Variants in DPP3 observed in about 807,000 individuals in gnomAD.
The protein encoded by DPP3 is dipeptidyl peptidase 3, also known as DPP III.
DPP3 carries 64 observed loss-of-function variants against 89.8 expected under a neutral mutation model. That is an observed-to-expected ratio of 0.71 (90% CI 0.58 to 0.88). DPP3 has a LOEUF of 0.88. Among genes scored for constraint, DPP3 ranks in the 40% least tolerant of loss-of-function variants. The pLI is 0.00. For missense variants in DPP3, 835 were observed against 972.5 expected, an observed-to-expected ratio of 0.86 and a Z score of 1.88; for synonymous variants, 377 against 404.3, an observed-to-expected ratio of 0.93 and a Z score of 0.81.
intron 17 of DPP3, among the ~76,000 whole-genome samples, chr11:66,506,249 G>T (rs1590749396): frequency 6.6e-6 from 1 of 150,632 alleles, no homozygotes; most frequent in African/African-American, 2.4e-5. Flanking sequence ...ACCATACCCG[G>T]CTATTTTATT....
At chr11:66,504,512 G>A (rs1216401706) in intron 16 of DPP3, 100 bp from the exon 17 acceptor site, 2 of 1,346,622 alleles carry the variant, frequency 1.5e-6, no homozygotes, top group East Asian at 2.6e-5. Context: ...CCATAGCACA[G>A]ACTGTCCAGG....
In DPP3 at chr11:66,493,587, G is replaced by A; in HGVS notation, c.1343G>A (p.Gly448Asp). 1 of 1,613,102 alleles carries A rather than the reference G, an allele frequency of 6.2e-7. No homozygotes were observed. ...GGGCCCTCCTTCGATGTGCAGGTGGGCCTGCACGAGCTGCTGGGCCATGGC... is the reference window on the plus strand; with the variant it reads ...GGGCCCTCCTTCGATGTGCAGGTGGACCTGCACGAGCTGCTGGGCCATGGC... ...WKGPSFDVQV[G>D]LHELLGHGSG... Residue 448 changes from glycine (G) to aspartate (D), a missense_variant, in exon 12 of 18, where the codon GGC becomes GAC. Gly to Asp is a moderately conservative substitution (Grantham distance 94). Transcript: ENST00000531863.
Position 66,509,438 on chromosome 11 carries a change from C to G in DPP3, c.*187C>G, listed in dbSNP as rs923150728. 2.0e-6 allele frequency: 3 copies of G among 1,525,648 alleles called. No individual in the cohort carries two copies. Among genetic ancestry groups the G allele is most frequent in the African/African-American group, 1.4e-5 (1 of 72,758 alleles). 94.5% of individuals were successfully genotyped at this position (1,525,648 alleles called of 1,614,324 possible). Reference sequence around the variant, plus strand: ...CTTTCCAGCCTGCCAATTGCTTCCCCTCTGTGATCTCATTTCATCTGCACT... The same window carrying G: ...CTTTCCAGCCTGCCAATTGCTTCCCGTCTGTGATCTCATTTCATCTGCACT... On this transcript the variant is annotated 3_prime_UTR_variant, in exon 18 of 18. Transcript: ENST00000531863.
At chr11:66,490,774 T>TG (rs1855359712) in intron 6 of DPP3, among the ~76,000 whole-genome samples, 1 of 139,388 alleles carries the variant, frequency 7.2e-6, no homozygotes, top group African/African-American at 2.5e-5. Context: ...TTTGTTTTGT[T>TG]TTTTTTTTTT....
chr11:66,497,431 G>A lies in DPP3; in HGVS notation c.1832G>A (p.Arg611Gln), dbSNP rs569032157. Residue 611 changes from arginine (R) to glutamine (Q), a missense_variant, in exon 16 of 18, where the codon CGG becomes CAG. Physicochemically the swap from Arg to Gln is conservative, Grantham distance 43. Coordinates refer to ENST00000531863, the MANE Select transcript of DPP3 (RefSeq NM_130443.4). ...GTCCGCCTCGACCGCAGCAAGATCCGGTCTGTGGGCAAGCCTGCTCTAGAG... is the reference window on the plus strand; with the variant it reads ...GTCCGCCTCGACCGCAGCAAGATCCAGTCTGTGGGCAAGCCTGCTCTAGAG... Reference protein sequence around the residue: ...ARVRLDRSKIRSVGKPALERF... With the variant: ...ARVRLDRSKIQSVGKPALERF... 9.3e-6 allele frequency: 15 copies of A among 1,613,886 alleles called. No individual in the cohort carries two copies. In the East Asian group the frequency reaches 1.6e-4, roughly 17 times the overall value.
At chr11:66,490,209 T>C (rs1855342509) in intron 6 of DPP3, among the ~76,000 whole-genome samples, 1 of 151,904 alleles carries the variant, frequency 6.6e-6, no homozygotes, top group South Asian at 2.1e-4. Flanking sequence ...CTATTTTTGC[T>C]TGTTTGTTTG....
At chr11:66,502,542 T>C (rs1041407492) in intron 16 of DPP3, among the ~76,000 whole-genome samples, 1 of 151,932 alleles carries the variant, frequency 6.6e-6, no homozygotes, top group African/African-American at 2.4e-5. Context: ...TGATCTCAGC[T>C]CACTGCAAGC....
chr11:66,501,077 A>G (rs537659648), intron 16 of DPP3, among the ~76,000 whole-genome samples: 1 of 152,106 alleles, frequency 6.6e-6, no homozygotes, highest in East Asian at 1.9e-4. Context: ...AGTCCCAGCT[A>G]CTCAGGAGGC....
intron 10 of DPP3, 24 bp from the exon 11 acceptor site, chr11:66,493,043 C>A: frequency 6.2e-7 from 1 of 1,613,550 alleles, no homozygotes; most frequent in Non-Finnish European, 8.5e-7. Flanking sequence ...CCTCTTCTTT[C>A]TGGTCCTTCT....
At chr11:66,504,965 AC>A (rs963460167) in intron 17 of DPP3, among the ~76,000 whole-genome samples, 191 bp downstream of exon 17, 3 of 150,382 alleles carry the variant, frequency 2.0e-5, no homozygotes, top group Non-Finnish European at 3.0e-5. Context: ...ACCACCCACC[AC>A]CCCCCCGACA....
chr11:66,494,228 TG>T (rs1477429068), intron 12 of DPP3, among the ~76,000 whole-genome samples: 1 of 152,186 alleles, frequency 6.6e-6, no homozygotes, highest in Non-Finnish European at 1.5e-5. Flanking sequence ...CAGTCATTTA[TG>T]GGGGGCTGAA....
intron 12 of DPP3, among the ~76,000 whole-genome samples, 183 bp from the exon 13 acceptor site, chr11:66,495,023 C>A (rs568764595): frequency 6.6e-6 from 1 of 152,324 alleles, no homozygotes; most frequent in South Asian, 2.1e-4. Flanking sequence ...TCTGAGGAGG[C>A]AGCCAGCGTC....
rs542636013 is a variant in DPP3, at chr11:66,509,614, A to T, written c.*363A>T. ...TCACCAAATCCAATGCTCCTCACAT[A>T]TTAATTTTATAACCAGACAAATAAA... On this transcript the variant is annotated 3_prime_UTR_variant, in exon 18 of 18. Transcript: ENST00000531863. 1 of 601,808 alleles carries T rather than the reference A, an allele frequency of 1.7e-6. No individual in the cohort carries two copies. The highest frequency in any genetic ancestry group is 3.2e-5 in the East Asian group (1 of 31,536). 37.3% of individuals were successfully genotyped at this position (601,808 alleles called of 1,614,324 possible). A position where few individuals can be genotyped will look rare whatever the true frequency, so the allele number is the denominator to read the frequency against.
At chr11:66,498,952 G>T (rs1397826913) in intron 16 of DPP3, among the ~76,000 whole-genome samples, 1 of 152,228 alleles carries the variant, frequency 6.6e-6, no homozygotes, top group Non-Finnish European at 1.5e-5. Context: ...GGTAGAGGCT[G>T]CAGTGAGCCC....
At chr11:66,486,730 G>GAGGGAAT in intron 4 of DPP3, 53 bp downstream of exon 4, 1 of 1,434,774 alleles carries the variant, frequency 7.0e-7, no homozygotes. Flanking sequence ...ATCCTTCAAG[G>GAGGGAAT]CCACCTGGTA....
chr11:66,488,337 G>A (rs1316232313), intron 6 of DPP3, among the ~76,000 whole-genome samples: 4 of 152,210 alleles, frequency 2.6e-5, no homozygotes, highest in South Asian at 2.1e-4. Flanking sequence ...AAAGGTGGGC[G>A]AATCACCTAA....
rs897825320 is a variant in DPP3 at position 66,489,259 on chromosome 11, T to C, written c.667+1252T>C. ...CCCTGGCCACCTCCTCCCCATCCTC[T>C]AGGCCATGCATGGACTTGCCTTCCC... On this transcript the variant is annotated intron_variant, in intron 6 of 17. Coordinates refer to ENST00000531863, the MANE Select transcript of DPP3 (RefSeq NM_130443.4). Among the ~76,000 whole-genome samples the C allele has an allele frequency of 3.9e-5, 6 of 152,294 alleles. 1 individual carries two copies. The South Asian group carries it at 6.2e-4, about 16-fold the overall frequency.
chr11:66,490,383 C>G (rs1855346360), intron 6 of DPP3, among the ~76,000 whole-genome samples: 1 of 152,186 alleles, frequency 6.6e-6, no homozygotes, highest in Admixed American at 6.5e-5. Flanking sequence ...AGTCTAAAAG[C>G]AAGGCTGGGC....
chr11:66,504,905 G>A (rs1855764580), intron 17 of DPP3, 131 bp downstream of exon 17: 3 of 1,011,522 alleles, frequency 3.0e-6, no homozygotes, highest in Non-Finnish European at 1.4e-6. Flanking sequence ...TTCCCTTTCT[G>A]CCAAGGTCCT....
Sources: allele counts gnomAD v4.1 joint callset (sites outside exome capture counted in the v4.1 genomes callset), GRCh38; gene constraint gnomAD v4.1.1; transcripts MANE v1.5; gene names NCBI Gene and HGNC (gene_info 2026-07-23, HGNC 2026-07-21).